DTNB: variants seen among roughly 807,000 people sequenced by gnomAD.
The protein encoded by DTNB is dystrobrevin beta.
Under a neutral mutation model 90.7 loss-of-function variants are expected in DTNB, and 63 were observed. That is an observed-to-expected ratio of 0.69 (90% CI 0.57 to 0.86). The LOEUF (loss-of-function observed/expected upper bound fraction) is 0.86, where lower values mean the gene tolerates loss of function less well. Ranked by LOEUF, DTNB falls within the 40% of genes least tolerant of loss-of-function variation. The probability of loss-of-function intolerance (pLI) is 0.00; values close to 1 mark genes in which losing one functional copy is unlikely to be tolerated. For synonymous variants in DTNB, 277 were observed against 286.7 expected, an observed-to-expected ratio of 0.97 and a Z score of 0.34; for missense variants, 744 against 807.1, an observed-to-expected ratio of 0.92 and a Z score of 0.95.
chr2:25,382,519 CTTTTTTTT>C (rs3041261), intron 19 of DTNB, among the ~76,000 whole-genome samples: 14 of 72,050 alleles, frequency 1.9e-4, no homozygotes, highest in Admixed American at 1.2e-3. Context: ...AGTTCTCTGC[CTTTTTTTT>C]TTTTTTTTTT....
chr2:25,503,279 C>G (rs2071325093), intron 9 of DTNB, among the ~76,000 whole-genome samples: 1 of 151,266 alleles, frequency 6.6e-6, no homozygotes, highest in African/African-American at 2.4e-5. Flanking sequence ...CACTTGAAGC[C>G]AGAGTTTGAG....
intron 6 of DTNB, among the ~76,000 whole-genome samples, chr2:25,585,541 A>G (rs945801118): frequency 3.9e-5 from 6 of 152,194 alleles, no homozygotes; most frequent in Non-Finnish European, 8.8e-5. Context: ...CCATTTTTAA[A>G]AGGGGAGAGG....
chr2:25,568,038 G>A (rs550861330), intron 8 of DTNB, among the ~76,000 whole-genome samples: 13 of 152,096 alleles, frequency 8.5e-5, no homozygotes, highest in East Asian at 5.8e-4. Flanking sequence ...CGCGCCTGTA[G>A]TCCCAGCTAC....
intron 9 of DTNB, among the ~76,000 whole-genome samples, chr2:25,512,219 G>A (rs773057431): frequency 6.6e-6 from 1 of 152,138 alleles, no homozygotes. Context: ...AAAAAATACA[G>A]ATTTTTACAG....
At chr2:25,501,329 C>T (rs2070645129) in intron 9 of DTNB, among the ~76,000 whole-genome samples, 1 of 152,154 alleles carries the variant, frequency 6.6e-6, no homozygotes, top group East Asian at 1.9e-4. Flanking sequence ...ATCCTCCTGC[C>T]TCTCAGCTTT....
chr2:25,425,814 A>G (rs2051369811), intron 15 of DTNB, among the ~76,000 whole-genome samples: 2 of 152,236 alleles, frequency 1.3e-5, no homozygotes, highest in South Asian at 2.1e-4. Context: ...AACCAGGTAG[A>G]TATTTCTGTT....
chr2:25,662,681 A>ACACACACAC (rs35419647), intron 1 of DTNB, among the ~76,000 whole-genome samples: 2 of 104,462 alleles, frequency 1.9e-5, no homozygotes, highest in Admixed American at 9.3e-5. Flanking sequence ...CACACACACA[A>ACACACACAC]ACACACACAC....
At chr2:25,610,962 G>A (rs964992308) in intron 4 of DTNB, among the ~76,000 whole-genome samples, 21 of 152,120 alleles carry the variant, frequency 1.4e-4, no homozygotes, top group African/African-American at 3.6e-4. Context: ...CACCCACCTC[G>A]GCCTCCCAAA....
intron 9 of DTNB, among the ~76,000 whole-genome samples, chr2:25,512,460 T>C (rs2150702137): frequency 6.6e-6 from 1 of 152,352 alleles, no homozygotes; most frequent in Non-Finnish European, 1.5e-5. Context: ...GCACTAAAGA[T>C]GTACAATCCC....
intron 9 of DTNB, among the ~76,000 whole-genome samples, chr2:25,515,329 C>T (rs2074865975): frequency 2.0e-5 from 3 of 152,028 alleles, no homozygotes; most frequent in Admixed American, 2.0e-4. Flanking sequence ...TTAAAATACC[C>T]AAAACAATTT....
In DTNB at chr2:25,427,050, C is replaced by T. The variant is rs564094851; in HGVS notation, c.1554+485G>A. Among the ~76,000 whole-genome samples, 9 of 152,020 alleles carry T rather than the reference C, an allele frequency of 5.9e-5. No individual in the cohort carries two copies. In the South Asian group the frequency reaches 8.3e-4, roughly 14 times the overall value. The stretch of plus-strand genomic sequence containing the variant: ...AAAATTAGCTGGGCGTGGTGGTGGG[C>T]GCCTGTAATCCCAGCTACTCGGGAG... On this transcript the variant is annotated intron_variant, in intron 15 of 20. Coordinates refer to ENST00000406818, the MANE Select transcript of DTNB (RefSeq NM_021907.5).
chr2:25,648,532 T>G (rs1436755491), intron 2 of DTNB, among the ~76,000 whole-genome samples: 1 of 152,168 alleles, frequency 6.6e-6, no homozygotes, highest in Non-Finnish European at 1.5e-5. Context: ...AAGTTACAAT[T>G]ATTTTTTTAA....
intron 8 of DTNB, among the ~76,000 whole-genome samples, chr2:25,565,091 T>G (rs1327707090): frequency 6.6e-6 from 1 of 152,192 alleles, no homozygotes; most frequent in Non-Finnish European, 1.5e-5. Context: ...TATGGATGCA[T>G]TTTGCTTGCT....
At chr2:25,612,143 C>T (rs1363828389) in intron 4 of DTNB, among the ~76,000 whole-genome samples, 2 of 151,956 alleles carry the variant, frequency 1.3e-5, no homozygotes, top group Admixed American at 1.3e-4. Context: ...TGGCAAAAGA[C>T]TGGAAATAAC....
At chr2:25,485,570 A>C (rs2150408335) in intron 9 of DTNB, among the ~76,000 whole-genome samples, 1 of 152,330 alleles carries the variant, frequency 6.6e-6, no homozygotes, top group East Asian at 1.9e-4. Context: ...GCTATATTGT[A>C]AACTATAAAC....
chr2:25,654,159 C>T (rs566430004), intron 1 of DTNB, among the ~76,000 whole-genome samples: 84 of 152,304 alleles, frequency 5.5e-4, no homozygotes, highest in Non-Finnish European at 9.3e-4. Flanking sequence ...TTCCAAAGCT[C>T]GTGTTCTTTC....
intron 9 of DTNB, among the ~76,000 whole-genome samples, chr2:25,521,556 AT>A (rs1293382203): frequency 6.6e-6 from 1 of 151,436 alleles, no homozygotes; most frequent in Non-Finnish European, 1.5e-5. Flanking sequence ...CCTAATTTTT[AT>A]TTTTTTAGGA....
chr2:25,538,420 A>G (rs2080340213), intron 8 of DTNB, among the ~76,000 whole-genome samples: 1 of 152,074 alleles, frequency 6.6e-6, no homozygotes, highest in Admixed American at 6.6e-5. Flanking sequence ...CTACATATAT[A>G]TACACACACC....
chr2:25,670,786 T>C (rs1185578100), intron 1 of DTNB, among the ~76,000 whole-genome samples: 1 of 152,212 alleles, frequency 6.6e-6, no homozygotes, highest in African/African-American at 2.4e-5. Context: ...ATTTCTTGAT[T>C]GGAATGGTGG....
Sources: allele counts gnomAD v4.1 joint callset (sites outside exome capture counted in the v4.1 genomes callset), GRCh38; gene constraint gnomAD v4.1.1; transcripts MANE v1.5; gene names NCBI Gene and HGNC (gene_info 2026-07-23, HGNC 2026-07-21).